Variants in ARHGEF28 observed in about 807,000 individuals in gnomAD.
ARHGEF28 encodes 190 kDa guanine nucleotide exchange factor.
A neutral mutation model predicts 206.6 loss-of-function variants in ARHGEF28; 152 were observed. The ratio of observed to expected loss-of-function variants is 0.74; its 90% CI spans 0.64 to 0.84. The LOEUF (loss-of-function observed/expected upper bound fraction) is 0.84, where lower values mean the gene tolerates loss of function less well. Among genes scored for constraint, ARHGEF28 ranks in the 40% least tolerant of loss-of-function variants. The pLI is 0.00. For missense variants in ARHGEF28, 2,028 were observed against 2,073.2 expected (o/e 0.98, Z 0.42); for synonymous variants, 763 against 776.4 (o/e 0.98, Z 0.29).
rs1561470111 is a variant in ARHGEF28 at position 73,868,206 on chromosome 5, A to AC, written c.2405dup (p.Glu803ArgfsTer16). On this transcript the variant is annotated frameshift_variant, in exon 20 of 36. Coordinates refer to ENST00000513042, the MANE Select transcript of ARHGEF28 (RefSeq NM_001177693.2). LOFTEE classifies it high-confidence loss of function. Reference sequence around the variant, plus strand: ...ACAGTCCATGGGCTCTTCTCCCTCTACAGAGTCTTTCATAATGGAAGGTGA... The same window carrying AC: ...ACAGTCCATGGGCTCTTCTCCCTCTACCAGAGTCTTTCATAATGGAAGGTGA... The AC allele has an allele frequency of 6.3e-7, 1 of 1,590,650 alleles. No homozygotes were observed. Among genetic ancestry groups the AC allele is most frequent in the South Asian group, 1.1e-5 (1 of 87,572 alleles).
At chr5:73,863,523 C>G (rs556995475) in intron 16 of ARHGEF28, among the ~76,000 whole-genome samples, 1 of 151,964 alleles carries the variant, frequency 6.6e-6, no homozygotes, top group Non-Finnish European at 1.5e-5. Flanking sequence ...TCCTTCCTTG[C>G]GGTCCTTGCC....
intron 35 of ARHGEF28, among the ~76,000 whole-genome samples, chr5:73,925,509 C>A (rs1214950531): frequency 6.6e-6 from 1 of 152,182 alleles, no homozygotes; most frequent in Non-Finnish European, 1.5e-5. Context: ...ACATAATTTA[C>A]ATAGGGGGAA....
intron 4 of ARHGEF28, among the ~76,000 whole-genome samples, chr5:73,763,186 A>G (rs971190110): frequency 6.6e-6 from 1 of 152,116 alleles, no homozygotes; most frequent in Non-Finnish European, 1.5e-5. Flanking sequence ...CAGATATGGC[A>G]GCATCTTTTA....
At chr5:73,751,085 T>A (rs1366560861) in intron 3 of ARHGEF28, among the ~76,000 whole-genome samples, 1 of 152,152 alleles carries the variant, frequency 6.6e-6, no homozygotes, top group Non-Finnish European at 1.5e-5. Context: ...TCCAGTAATC[T>A]GCATCGTTAA....
At position 73,795,257 on chromosome 5, in the gene ARHGEF28, T is replaced by C. The variant is rs549235304; in HGVS notation, c.964-74T>C. On this transcript the variant is annotated intron_variant, in intron 8 of 35. Transcript: ENST00000513042. ...TTGATGCTTTCCAAGGTTGTTTTTC[T>C]AGTTCACAAAAATAAACATTAGTGT... 11 of 1,391,448 alleles carry C rather than the reference T, an allele frequency of 7.9e-6. No individual in the cohort carries two copies. The African/African-American group carries it at 1.0e-4, about 13-fold the overall frequency. 86.2% of individuals were successfully genotyped at this position (1,391,448 alleles called of 1,614,324 possible).
chr5:73,856,855 T>A (rs999707465), intron 14 of ARHGEF28, among the ~76,000 whole-genome samples: 1 of 152,264 alleles, frequency 6.6e-6, no homozygotes, highest in East Asian at 1.9e-4. Flanking sequence ...TGACATGATA[T>A]TTAGGTTGAT....
chr5:73,706,652 G>C (rs1441502835), intron 2 of ARHGEF28, among the ~76,000 whole-genome samples: 2 of 152,140 alleles, frequency 1.3e-5, no homozygotes, highest in Admixed American at 1.3e-4. Flanking sequence ...ATGATACTTA[G>C]TTTTATATTT....
intron 1 of ARHGEF28, among the ~76,000 whole-genome samples, chr5:73,681,946 C>T (rs1434128919): frequency 6.6e-6 from 1 of 152,112 alleles, no homozygotes; most frequent in African/African-American, 2.4e-5. Context: ...CAGAAAAATA[C>T]AACTTAGCAC....
rs75799408 is a variant in ARHGEF28 at position 73,867,894 on chromosome 5, T to A, written c.2171T>A (p.Ile724Asn). ...TILGNSSFRD[I>N]PQPGLSLHPS... is the part of the protein sequence containing the mutation. The stretch of plus-strand genomic sequence containing the variant: ...TTTCCAGATTCTTCATTTAGAGACA[T>A]CCCACAGCCTGGTCTCTCCTTGCAC... Residue 724 changes from isoleucine to asparagine, a missense_variant, in exon 19 of 36, where the codon ATC (isoleucine) becomes AAC (asparagine). This residue lies in a region of ARHGEF28 where 1,002 missense variants were observed against 1,015.3 expected (regional missense o/e 0.99). Transcript: ENST00000513042. 7 of 1,613,836 alleles carry A rather than the reference T, an allele frequency of 4.3e-6. No homozygotes were observed. The highest frequency in any genetic ancestry group is 5.9e-6 in the Non-Finnish European group (7 of 1,179,854).
In ARHGEF28 at chr5:73,909,742, C is replaced by T; in HGVS notation, c.4492C>T (p.Gln1498Ter). 6.6e-7 allele frequency: 1 copy of T among 1,514,874 alleles called. No homozygotes were observed. The highest frequency in any genetic ancestry group is 8.8e-7 in the Non-Finnish European group (1 of 1,131,276). The allele number at this position is 1,514,874 out of a possible 1,614,324, so 93.8% of individuals were successfully genotyped here. A position where few individuals can be genotyped will look rare whatever the true frequency, so the allele number is the denominator to read the frequency against. The change falls in exon 34 of 36, where the codon CAG becomes TAG. Residue 1498 changes from glutamine to a stop codon, truncating the protein, a stop_gained. Coordinates refer to ENST00000513042, the MANE Select transcript of ARHGEF28 (RefSeq NM_001177693.2). LOFTEE classifies it high-confidence loss of function. ...RSRGELDLQL[Q>*]EYQHSLERLR... ...CCGGGGCGAGCTGGACCTCCAGCTC[C>T]AGGAGTACCAGCACAGCCTGGAGCG... is the stretch of plus-strand genomic sequence containing the variant.
intron 3 of ARHGEF28, 69 bp from the exon 4 acceptor site, chr5:73,752,840 G>C (rs1752087415): frequency 6.4e-7 from 1 of 1,553,630 alleles, no homozygotes; most frequent in Non-Finnish European, 8.8e-7. Context: ...GGTGGGGCTA[G>C]CACATTGGAC....
intron 6 of ARHGEF28, among the ~76,000 whole-genome samples, chr5:73,777,387 A>G (rs1753600719): frequency 6.6e-6 from 1 of 152,148 alleles, no homozygotes; most frequent in Admixed American, 6.5e-5. Flanking sequence ...GGTCTATTGA[A>G]CACACTAACC....
chr5:73,761,691 C>T lies in ARHGEF28; in HGVS notation c.475+8489C>T, dbSNP rs1752609491. On this transcript the variant is annotated intron_variant, in intron 4 of 35. Transcript: ENST00000513042. ...CTACTGTCCTTTTCCACACCTATAA[C>T]TGTAGTTGCTTTTATTTTGCAAGTT... Among the ~76,000 whole-genome samples, 2 of 152,110 alleles carry T rather than the reference C, an allele frequency of 1.3e-5. 1 individual carries two copies. Among genetic ancestry groups the T allele is most frequent in the South Asian group, 4.1e-4 (2 of 4,824 alleles).
At chr5:73,859,846 T>C (rs1359454543) in intron 16 of ARHGEF28, among the ~76,000 whole-genome samples, 2 of 152,172 alleles carry the variant, frequency 1.3e-5, no homozygotes, top group African/African-American at 4.8e-5. Flanking sequence ...TTCCCTCCCC[T>C]GTTTTAAGAC....
chr5:73,865,984 A>G lies in ARHGEF28; in HGVS notation c.2123A>G (p.Asn708Ser), dbSNP rs748068377. The G allele has an allele frequency of 1.4e-5, 23 of 1,603,436 alleles. No homozygotes were observed. The highest frequency in any genetic ancestry group is 1.7e-5 in the Admixed American group (1 of 58,194). Residue 708 changes from asparagine (N) to serine (S), a missense_variant, in exon 18 of 36, where the codon AAC becomes AGC. Coordinates refer to ENST00000513042, the MANE Select transcript of ARHGEF28 (RefSeq NM_001177693.2). ...TACCAGAAATTCCAAGAGAAATATA[A>G]CAAGAACAAACCACAGACCATCCTT... Reference protein sequence around the residue: ...ACTKKFQEKYNKNKPQTILGN... With the variant: ...ACTKKFQEKYSKNKPQTILGN...
intron 2 of ARHGEF28, among the ~76,000 whole-genome samples, chr5:73,719,169 A>C (rs1227915343): frequency 1.3e-5 from 2 of 152,100 alleles, no homozygotes; most frequent in East Asian, 1.9e-4. Context: ...TCCTATCCTA[A>C]GGCAGCCATC....
At chr5:73,891,736 G>T (rs148361807) in intron 26 of ARHGEF28, among the ~76,000 whole-genome samples, 2,334 of 152,108 alleles carry the variant, frequency 0.015, 67 homozygotes, top group African/African-American at 0.054. Flanking sequence ...CATTGGCCAG[G>T]CTGGTCTTGA....
rs1343546659 is a variant in ARHGEF28, at chr5:73,656,714, C to T, written c.-11-28127C>T. ...AGATTATGTCACTCAGCTCAGAACC[C>T]TCAAATGGATCCTCTGCATACTCAG... On this transcript the variant is annotated intron_variant, in intron 1 of 35. Transcript: ENST00000513042. 2.0e-5 allele frequency among the ~76,000 whole-genome samples: 3 copies of T among 152,278 alleles called. No individual in the cohort carries two copies. In the East Asian group the frequency reaches 5.8e-4, roughly 29 times the overall value.
rs535664718 is a variant in ARHGEF28, at chr5:73,873,216, C to T, written c.2784C>T (p.Ile928=). 138 of 1,611,254 alleles carry T rather than the reference C, an allele frequency of 8.6e-5. 1 individual carries two copies. Among genetic ancestry groups the T allele is most frequent in the East Asian group, 1.8e-4 (8 of 44,820 alleles). The part of the protein sequence containing the change: ...SCAGSDRNFV[I]DRIGDILVQQ... ...CTGGCAGCGACAGGAATTTTGTGAT[C>T]GACCGAATTGGAGATATTTTGGTAC... is the stretch of plus-strand genomic sequence containing the variant. Residue 928 remains isoleucine, a synonymous_variant, in exon 22 of 36, where the codon ATC becomes ATT. Coordinates refer to ENST00000513042, the MANE Select transcript of ARHGEF28 (RefSeq NM_001177693.2).
Sources: gnomAD v4.1 joint callset for allele counts (sites outside exome capture counted in the v4.1 genomes callset) on GRCh38, gnomAD v4.1.1 for gene constraint, gnomAD v4.1.1 regional missense constraint, MANE v1.5 for transcripts, NCBI Gene and HGNC (gene_info 2026-07-23, HGNC 2026-07-21) for gene names.